ACACA: variants seen among roughly 807,000 people sequenced by gnomAD.
The protein encoded by ACACA is acetyl-CoA carboxylase alpha.
ACACA carries 103 observed loss-of-function variants against 296.1 expected under a neutral mutation model. The ratio of observed to expected loss-of-function variants is 0.35; its 90% confidence interval spans 0.30 to 0.41. ACACA has a LOEUF of 0.41. Ranked by LOEUF, ACACA falls within the 10% of genes least tolerant of loss-of-function variation. The probability of loss-of-function intolerance (pLI) is 1.00; values close to 1 mark genes in which losing one functional copy is unlikely to be tolerated. For synonymous variants in ACACA, 953 were observed against 1,038.6 expected (o/e 0.92, Z 1.58); for missense variants, 1,554 against 2,989.7 (o/e 0.52, Z 11.20).
chr17:37,162,674 C>T (rs2076508060), intron 41 of ACACA: 1 of 284,664 alleles, frequency 3.5e-6, no homozygotes. Context: ...CTGCCCACCC[C>T]CAAATGCCAC....
chr17:37,205,102 T>C (rs2078436767), intron 33 of ACACA, among the ~76,000 whole-genome samples: 1 of 152,108 alleles, frequency 6.6e-6, no homozygotes. Context: ...AAAGAAAAAC[T>C]AACAGACCTT....
At chr17:37,249,630 T>G (rs1170514269) in intron 16 of ACACA, among the ~76,000 whole-genome samples, 1 of 152,146 alleles carries the variant, frequency 6.6e-6, no homozygotes, top group African/African-American at 2.4e-5. Flanking sequence ...TTTTCACATG[T>G]GGAACAAAAC....
At chr17:37,104,032 C>A (rs1287896522) in intron 52 of ACACA, among the ~76,000 whole-genome samples, 2 of 152,104 alleles carry the variant, frequency 1.3e-5, no homozygotes, top group Non-Finnish European at 2.9e-5. Context: ...CAGGAGTGTC[C>A]AATCTTTTGG....
At position 37,392,944 on chromosome 17, in the gene ACACA, A is replaced by C. The variant is rs1418452708; in HGVS notation, c.38+13318T>G. On this transcript the variant is annotated intron_variant, in intron 1 of 55. Coordinates refer to ENST00000616317, the MANE Select transcript of ACACA (RefSeq NM_198834.3). ...GATCACCTGAGGTAAGGAGTTTGAG[A>C]CCAGCCTGGCCAACATGGTGAAACC... Among the ~76,000 whole-genome samples the C allele has an allele frequency of 3.3e-5, 5 of 152,178 alleles. No homozygotes were observed. In the South Asian group the frequency reaches 6.2e-4, roughly 19 times the overall value.
intron 1 of ACACA, among the ~76,000 whole-genome samples, chr17:37,371,788 T>A (rs1293534601): frequency 2.0e-5 from 3 of 151,740 alleles, no homozygotes; most frequent in Non-Finnish European, 2.9e-5. Context: ...TAATCCCACC[T>A]ATTCGGGAGG....
intron 26 of ACACA, 43 bp from the exon 27 acceptor site, chr17:37,225,148 A>T: frequency 8.5e-7 from 1 of 1,178,154 alleles, no homozygotes; most frequent in South Asian, 1.2e-5. Context: ...CCTCGGAGTG[A>T]TTATTCTAGA....
At chr17:37,266,246 T>G (rs1030923900) in intron 10 of ACACA, among the ~76,000 whole-genome samples, 1 of 151,908 alleles carries the variant, frequency 6.6e-6, no homozygotes, top group African/African-American at 2.4e-5. Flanking sequence ...AAACCTCATC[T>G]CTAGTCAAAA....
chr17:37,318,107 C>G (rs1325082110), intron 3 of ACACA, among the ~76,000 whole-genome samples: 1 of 152,208 alleles, frequency 6.6e-6, no homozygotes, highest in Non-Finnish European at 1.5e-5. Flanking sequence ...CATAAGAACA[C>G]TCTCAAACTA....
intron 50 of ACACA, among the ~76,000 whole-genome samples, chr17:37,119,110 T>G (rs866738717): frequency 6.6e-6 from 1 of 152,192 alleles, no homozygotes; most frequent in Non-Finnish European, 1.5e-5. Context: ...ACAAAAATAT[T>G]AGAGCCAAGG....
chr17:37,376,036 A>C, intron 1 of ACACA: 1 of 1,470,672 alleles, frequency 6.8e-7, no homozygotes, highest in South Asian at 1.1e-5. Context: ...CAGAGCTATC[A>C]AGGGCTGTGA....
At chr17:37,270,362 A>AC (rs2082014218) in intron 10 of ACACA, among the ~76,000 whole-genome samples, 1 of 152,220 alleles carries the variant, frequency 6.6e-6, no homozygotes, top group Non-Finnish European at 1.5e-5. Context: ...TCAGTATCAT[A>AC]CCACCATATC....
In ACACA at chr17:37,283,264, C is replaced by T. The variant is rs772388491; in HGVS notation, c.610+3G>A. ...TGATGCTTTCATAATGCTAATAACT[C>T]ACCTGCATTGGCTTTAAGGTCTTCA... On this transcript the variant is annotated splice_donor_region_variant and intron_variant, in intron 5 of 55. Coordinates refer to ENST00000616317, the MANE Select transcript of ACACA (RefSeq NM_198834.3). 3 of 1,614,104 alleles carry T rather than the reference C, an allele frequency of 1.9e-6. No homozygotes were observed. The highest frequency in any genetic ancestry group is 2.5e-6 in the Non-Finnish European group (3 of 1,179,998).
intron 26 of ACACA, chr17:37,225,694 G>T (rs1450644777): frequency 5.8e-6 from 1 of 172,052 alleles, no homozygotes; most frequent in Admixed American, 5.5e-5. Context: ...TCACTGAGAG[G>T]TTCAATAGCT....
At chr17:37,298,518 C>A (rs1316662348) in intron 3 of ACACA, among the ~76,000 whole-genome samples, 1 of 151,818 alleles carries the variant, frequency 6.6e-6, no homozygotes, top group Non-Finnish European at 1.5e-5. Context: ...CCCATCTCTA[C>A]AAAAAACTTG....
chr17:37,314,412 T>C (rs1016903828), intron 3 of ACACA, among the ~76,000 whole-genome samples: 9 of 152,094 alleles, frequency 5.9e-5, no homozygotes, highest in African/African-American at 1.7e-4. Context: ...CTACTATATA[T>C]TCTTGTGCAA....
chr17:37,374,066 A>G (rs1344706324), intron 1 of ACACA, among the ~76,000 whole-genome samples: 1 of 152,024 alleles, frequency 6.6e-6, no homozygotes, highest in Admixed American at 6.6e-5. Context: ...ACTTTTTTAA[A>G]AAGTTTTCTA....
At chr17:37,106,272 A>G (rs141034449) in intron 52 of ACACA, among the ~76,000 whole-genome samples, 1 of 152,326 alleles carries the variant, frequency 6.6e-6, no homozygotes, top group Non-Finnish European at 1.5e-5. Flanking sequence ...TAAGGGAGCT[A>G]TTTTATGAGG....
Position 37,200,432 on chromosome 17 carries a change from G to A in ACACA, c.4108C>T (p.Gln1370Ter). 1 of 1,611,648 alleles carries A rather than the reference G, an allele frequency of 6.2e-7. No individual in the cohort carries two copies. The highest frequency in any genetic ancestry group is 8.5e-7 in the Non-Finnish European group (1 of 1,177,754). Residue 1370 changes from glutamine to a stop codon, truncating the protein, a stop_gained, in exon 34 of 56, where the codon CAA (glutamine) becomes TAA (stop). Transcript: ENST00000616317. LOFTEE classifies it high-confidence loss of function. ...GIRRLTFLVA[Q>*]KDFRKQVNYE... ...TACAATTCACATGTCAGTACCTTTT[G>A]TGCAACCAGGAAAGTAAGGCGCCGG...
chr17:37,173,410 C>A (rs1242230992), intron 41 of ACACA, among the ~76,000 whole-genome samples: 3 of 152,136 alleles, frequency 2.0e-5, no homozygotes, highest in Non-Finnish European at 4.4e-5. Flanking sequence ...TAATTAATTT[C>A]TTCTAATCTT....
Sources: gnomAD v4.1 joint callset for allele counts (sites outside exome capture counted in the v4.1 genomes callset) on GRCh38, gnomAD v4.1.1 for gene constraint, MANE v1.5 for transcripts, NCBI Gene and HGNC (gene_info 2026-07-23, HGNC 2026-07-21) for gene names.